Variants in TECRL observed in about 807,000 individuals in gnomAD.
TECRL encodes the protein trans-2,3-enoyl-CoA reductase like.
TECRL carries 63 observed loss-of-function variants against 52.8 expected under a neutral mutation model. That is an observed-to-expected ratio of 1.19 (90% CI 0.97 to 1.47). The LOEUF is 1.47. Among genes scored for constraint, TECRL ranks in the 40% most tolerant of loss-of-function variants. TECRL has a pLI of 0.00. For missense variants in TECRL, 482 were observed against 429.6 expected (o/e 1.12, Z -1.08); for synonymous variants, 164 against 141.9 (o/e 1.16, Z -1.10).
At position 64,280,057 on chromosome 4, in the gene TECRL, G is replaced by T; in HGVS notation, c.*15C>A. On this transcript the variant is annotated 3_prime_UTR_variant, in exon 12 of 12. Transcript: ENST00000381210. ...TTATATGTTGCTGTTTTCTATAGGA[G>T]ATAAGATTCTTTTTTTACAATATGA... The T allele has an allele frequency of 6.3e-7, 1 of 1,582,918 alleles. No individual in the cohort carries two copies. The highest frequency in any genetic ancestry group is 8.6e-7 in the Non-Finnish European group (1 of 1,165,812).
chr4:64,380,908 A>G (rs1037737098), intron 1 of TECRL, among the ~76,000 whole-genome samples: 1 of 152,006 alleles, frequency 6.6e-6, no homozygotes, highest in African/African-American at 2.4e-5. Context: ...AGATTTTAAG[A>G]TTGTTTTTCT....
intron 3 of TECRL, among the ~76,000 whole-genome samples, chr4:64,327,514 T>C (rs575147995): frequency 1.3e-5 from 2 of 152,234 alleles, no homozygotes; most frequent in African/African-American, 4.8e-5. Flanking sequence ...TGCTAGGCCC[T>C]ATGAAGGCAA....
chr4:64,334,045 A>AAAAAAAAAAAAAAAG (rs1718864420), intron 2 of TECRL, among the ~76,000 whole-genome samples: 1 of 119,838 alleles, frequency 8.3e-6, no homozygotes, highest in Non-Finnish European at 1.7e-5. Context: ...AAAAAAAAAA[A>AAAAAAAAAAAAAAAG]AAAAGAAAAA....
chr4:64,378,554 AT>A (rs1478240735), intron 1 of TECRL, among the ~76,000 whole-genome samples: 1 of 152,260 alleles, frequency 6.6e-6, no homozygotes, highest in East Asian at 1.9e-4. Flanking sequence ...GTATATTTGC[AT>A]ATTTTATTCA....
chr4:64,292,709 C>T (rs1377936999), intron 8 of TECRL, among the ~76,000 whole-genome samples: 1 of 151,926 alleles, frequency 6.6e-6, no homozygotes, highest in African/African-American at 2.4e-5. Context: ...GGGACATTGC[C>T]AGAACTGCTT....
At chr4:64,316,770 C>T (rs1162302735) in intron 4 of TECRL, among the ~76,000 whole-genome samples, 4 of 152,082 alleles carry the variant, frequency 2.6e-5, no homozygotes, top group African/African-American at 9.7e-5. Context: ...GGCAGATACA[C>T]CTTTTTCTTA....
intron 2 of TECRL, among the ~76,000 whole-genome samples, chr4:64,359,416 G>A (rs1260055329): frequency 6.6e-6 from 1 of 151,806 alleles, no homozygotes; most frequent in African/African-American, 2.4e-5. Flanking sequence ...AAATGATTCT[G>A]CTATAAATAG....
intron 4 of TECRL, among the ~76,000 whole-genome samples, chr4:64,315,649 A>G (rs919430731): frequency 2.6e-5 from 4 of 152,184 alleles, no homozygotes; most frequent in African/African-American, 7.2e-5. Context: ...GTTTTGCTCA[A>G]AAATGCAGTT....
At chr4:64,283,932 T>C (rs556884144) in intron 9 of TECRL, among the ~76,000 whole-genome samples, 100 of 152,138 alleles carry the variant, frequency 6.6e-4, no homozygotes, top group African/African-American at 2.3e-3. Flanking sequence ...TCTTTTCTTC[T>C]AGCCACTACA....
chr4:64,346,047 G>T (rs1719959998), intron 2 of TECRL, among the ~76,000 whole-genome samples: 1 of 150,838 alleles, frequency 6.6e-6, no homozygotes, highest in Admixed American at 6.6e-5. Flanking sequence ...AACACACACA[G>T]GCTTACTTAA....
At chr4:64,408,289 G>T (rs1222366385) in intron 1 of TECRL, among the ~76,000 whole-genome samples, 1 of 151,758 alleles carries the variant, frequency 6.6e-6, no homozygotes, top group Non-Finnish European at 1.5e-5. Context: ...CAACAAAAAC[G>T]TATTCAATAT....
Position 64,395,157 on chromosome 4 carries a change from T to A in TECRL, c.234+13961A>T, listed in dbSNP as rs949844225. ...CTGGTCTCAAACTCCTGGCCTCAGG[T>A]GATCCTCCTGTCTCAGCCCCCCAAA... On this transcript the variant is annotated intron_variant, in intron 1 of 11. Transcript: ENST00000381210. Among the ~76,000 whole-genome samples the A allele has an allele frequency of 2.0e-5, 3 of 151,954 alleles. No individual in the cohort carries two copies. In the South Asian group the frequency reaches 6.2e-4, roughly 32 times the overall value.
chr4:64,407,567 G>A (rs1724814414), intron 1 of TECRL, among the ~76,000 whole-genome samples: 1 of 151,622 alleles, frequency 6.6e-6, no homozygotes, highest in East Asian at 1.9e-4. Context: ...AAGGTGGATT[G>A]CCTGTCAGGG....
At chr4:64,387,134 C>T (rs1254805169) in intron 1 of TECRL, among the ~76,000 whole-genome samples, 1 of 152,182 alleles carries the variant, frequency 6.6e-6, no homozygotes, top group Non-Finnish European at 1.5e-5. Flanking sequence ...ATTGTTTTGC[C>T]TTCCCAGAAA....
At chr4:64,354,017 C>T (rs1211309211) in intron 2 of TECRL, among the ~76,000 whole-genome samples, 2 of 152,036 alleles carry the variant, frequency 1.3e-5, no homozygotes, top group Non-Finnish European at 2.9e-5. Flanking sequence ...GAATGGTATG[C>T]CACGTCAAAT....
intron 2 of TECRL, among the ~76,000 whole-genome samples, chr4:64,345,269 C>T (rs1422768524): frequency 6.6e-6 from 1 of 152,056 alleles, no homozygotes; most frequent in Non-Finnish European, 1.5e-5. Flanking sequence ...TATTGCGGCA[C>T]TATTCACAAT....
intron 3 of TECRL, 102 bp downstream of exon 3, chr4:64,328,410 C>T: frequency 3.2e-6 from 3 of 939,904 alleles, no homozygotes; most frequent in South Asian, 3.1e-5. Context: ...TTAAATAATA[C>T]TAATATTTGT....
At chr4:64,312,007 G>A (rs946033230) in intron 5 of TECRL, among the ~76,000 whole-genome samples, 4 of 152,146 alleles carry the variant, frequency 2.6e-5, no homozygotes, top group African/African-American at 9.7e-5. Flanking sequence ...TCAGGTAACA[G>A]GTTCATAAGA....
chr4:64,347,798 T>A (rs1720094611), intron 2 of TECRL, among the ~76,000 whole-genome samples: 1 of 152,130 alleles, frequency 6.6e-6, no homozygotes, highest in South Asian at 2.1e-4. Flanking sequence ...ATAATTGAGA[T>A]GAGGTTTGGG....
Sources: allele counts gnomAD v4.1 joint callset (sites outside exome capture counted in the v4.1 genomes callset), GRCh38; gene constraint gnomAD v4.1.1; transcripts MANE v1.5; gene names NCBI Gene and HGNC (gene_info 2026-07-23, HGNC 2026-07-21).